Variants in PAK1IP1 observed in about 807,000 individuals in gnomAD.
PAK1IP1 encodes the protein p21-activated protein kinase-interacting protein 1.
A neutral mutation model predicts 42.0 loss-of-function variants in PAK1IP1; 24 were observed. The ratio of observed to expected loss-of-function variants is 0.57; its 90% CI spans 0.41 to 0.80. The LOEUF (loss-of-function observed/expected upper bound fraction) is 0.80, where lower values mean the gene tolerates loss of function less well. Ranked by LOEUF, PAK1IP1 falls within the 30% of genes least tolerant of loss-of-function variation. The pLI is 0.00. For synonymous variants in PAK1IP1, 154 were observed against 156.7 expected, an observed-to-expected ratio of 0.98 and a Z score of 0.13; for missense variants, 411 against 467.9, an observed-to-expected ratio of 0.88 and a Z score of 1.12.
intron 2 of PAK1IP1, among the ~76,000 whole-genome samples, chr6:10,701,325 T>G (rs981187941): frequency 6.6e-6 from 1 of 152,090 alleles, no homozygotes; most frequent in African/African-American, 2.4e-5. Flanking sequence ...GATCTGCCTG[T>G]CTCGGTCTCC....
intron 5 of PAK1IP1, among the ~76,000 whole-genome samples, chr6:10,703,753 TTCCAAAA>T (rs1444695575): frequency 6.6e-6 from 1 of 152,228 alleles, no homozygotes; most frequent in Non-Finnish European, 1.5e-5. Context: ...TATGCAGATA[TTCCAAAA>T]TCCAAAATCG....
At chr6:10,692,285 A>C (rs1373083836), upstream of PAK1IP1, among the ~76,000 whole-genome samples, 1 of 152,220 alleles carries the variant, frequency 6.6e-6, no homozygotes, top group Non-Finnish European at 1.5e-5. Context: ...CTGCTTACTA[A>C]TACCTTGTCT....
intron 8 of PAK1IP1, 25 bp from the exon 9 acceptor site, chr6:10,708,928 A>G (rs1421439197): frequency 1.9e-6 from 3 of 1,569,150 alleles, no homozygotes; most frequent in Non-Finnish European, 2.6e-6. Context: ...AATGCACATT[A>G]TGAATGTTTG....
intron 2 of PAK1IP1, among the ~76,000 whole-genome samples, chr6:10,700,993 C>T (rs894569622): frequency 3.9e-5 from 6 of 152,162 alleles, no homozygotes; most frequent in Admixed American, 2.6e-4. Context: ...AACCCTTCCC[C>T]TCCCACAGGC....
intron 2 of PAK1IP1, among the ~76,000 whole-genome samples, chr6:10,697,752 G>A (rs1314396523): frequency 1.3e-5 from 2 of 152,076 alleles, no homozygotes; most frequent in East Asian, 1.9e-4. Flanking sequence ...TTAGCCAGGT[G>A]TGGTGGCACA....
At chr6:10,707,726 C>T (rs557303390) in intron 8 of PAK1IP1, among the ~76,000 whole-genome samples, 5 of 152,136 alleles carry the variant, frequency 3.3e-5, no homozygotes, top group East Asian at 1.9e-4. Context: ...TCCCAGAACT[C>T]GCGCTGCTCT....
chr6:10,705,676 G>A (rs886678852), intron 7 of PAK1IP1, among the ~76,000 whole-genome samples: 1 of 152,154 alleles, frequency 6.6e-6, no homozygotes, highest in Non-Finnish European at 1.5e-5. Flanking sequence ...CCCCAATAGT[G>A]GAGCTGAGAG....
chr6:10,704,790 T>G lies in PAK1IP1; in HGVS notation c.686T>G (p.Phe229Cys). The G allele has an allele frequency of 6.2e-7, 1 of 1,613,940 alleles. No individual in the cohort carries two copies. The highest frequency in any genetic ancestry group is 8.5e-7 in the Non-Finnish European group (1 of 1,179,818). The change falls in exon 7 of 10, where the codon TTT (phenylalanine) becomes TGT (cysteine). Residue 229 changes from phenylalanine (F) to cysteine (C), a missense_variant. Coordinates refer to ENST00000379568, the MANE Select transcript of PAK1IP1 (RefSeq NM_017906.3). ...AVAGDEEVIR[F>C]FDCDSLVCLC... Reference sequence around the variant, plus strand: ...GCTGGAGATGAAGAAGTTATAAGGTTTTTTGACTGTGATTCACTAGTGTGC... The same window carrying G: ...GCTGGAGATGAAGAAGTTATAAGGTGTTTTGACTGTGATTCACTAGTGTGC...
chr6:10,694,590 CAG>C, upstream of PAK1IP1: 3 of 172,406 alleles, frequency 1.7e-5, no homozygotes, highest in South Asian at 1.1e-4. Flanking sequence ...GCCGGCGCTA[CAG>C]CCCCTAAGCA....
In PAK1IP1 at chr6:10,709,385, A is replaced by G. The variant is rs1770311217; in HGVS notation, c.1112A>G (p.Lys371Arg). The G allele has an allele frequency of 1.9e-6, 3 of 1,613,822 alleles. No homozygotes were observed. The highest frequency in any genetic ancestry group is 1.7e-6 in the Non-Finnish European group (2 of 1,179,912). ...AAAGAAAGTGGCCTGATATCAACCA[A>G]GAAGAGGAAAATGGTAGAAATGTTG... ...ATKESGLIST[K>R]KRKMVEMLEK... The change falls in exon 10 of 10, where the codon AAG becomes AGG. Residue 371 changes from lysine (K) to arginine (R), a missense_variant. Lys to Arg is a conservative substitution (Grantham distance 26). Coordinates refer to ENST00000379568, the MANE Select transcript of PAK1IP1 (RefSeq NM_017906.3).
intron 2 of PAK1IP1, 37 bp downstream of exon 2, chr6:10,697,523 G>T: frequency 6.9e-7 from 1 of 1,459,436 alleles, no homozygotes; most frequent in Non-Finnish European, 9.4e-7. Flanking sequence ...AGAACATAGA[G>T]GTTTTCTTTA....
In PAK1IP1 at chr6:10,697,369, T is replaced by C; in HGVS notation, c.130T>C (p.Ser44Pro). 2 of 1,613,948 alleles carry C rather than the reference T, an allele frequency of 1.2e-6. No individual in the cohort carries two copies. The highest frequency in any genetic ancestry group is 8.5e-7 in the Non-Finnish European group (1 of 1,179,846). The change falls in exon 2 of 10, where the codon TCC (serine) becomes CCC (proline). Residue 44 changes from serine (S) to proline (P), a missense_variant. Ser to Pro is a moderately conservative substitution (Grantham distance 74). Coordinates refer to ENST00000379568, the MANE Select transcript of PAK1IP1 (RefSeq NM_017906.3). ...ADFTHHAHTASLSAVAVNSRF... is the reference protein window; with the variant it reads ...ADFTHHAHTAPLSAVAVNSRF... ...CTTCACTCACCATGCTCACACTGCC[T>C]CCTTGTCAGCAGTAGCTGTAAATAG...
chr6:10,709,075 T>C lies in PAK1IP1; in HGVS notation c.963T>C (p.Pro321=), dbSNP rs1376692871. The C allele has an allele frequency of 6.2e-7, 1 of 1,608,854 alleles. No homozygotes were observed. Among genetic ancestry groups the C allele is most frequent in the South Asian group, 1.1e-5 (1 of 89,650 alleles). Residue 321 remains proline (P), a splice_region_variant and synonymous_variant, in exon 9 of 10, where the codon CCT becomes CCC. Coordinates refer to ENST00000379568, the MANE Select transcript of PAK1IP1 (RefSeq NM_017906.3). ...ESLPPAAEPS[P]VSKEQSKIGK... is the part of the protein sequence containing the mutation. ...TTCCTCCAGCTGCAGAGCCTTCTCC[T>C]GGTAATCGAATTTGATTGTTTTGAA...
rs1028984051 is a variant in PAK1IP1 at position 10,698,236 on chromosome 6, T to C, written c.247+750T>C. Among the ~76,000 whole-genome samples, 4 of 151,976 alleles carry C rather than the reference T, an allele frequency of 2.6e-5. No individual in the cohort carries two copies. The East Asian group carries it at 7.7e-4, about 29-fold the overall frequency. ...AGCGTCACAGCAATATCTGACTTTA[T>C]TGAGGGCATATTATGTACCCCTCTG... On this transcript the variant is annotated intron_variant, in intron 2 of 9. Coordinates refer to ENST00000379568, the MANE Select transcript of PAK1IP1 (RefSeq NM_017906.3).
intron 8 of PAK1IP1, among the ~76,000 whole-genome samples, chr6:10,708,603 A>G (rs1029324234): frequency 4.7e-5 from 7 of 149,148 alleles, no homozygotes; most frequent in African/African-American, 1.8e-4. Context: ...ATATGTATAC[A>G]TGTGCTATGT....
In PAK1IP1 at chr6:10,702,632, A is replaced by G. The variant is rs1258335016; in HGVS notation, c.436A>G (p.Thr146Ala). The G allele has an allele frequency of 6.2e-7, 1 of 1,609,146 alleles. No individual in the cohort carries two copies. The change falls in exon 4 of 10, where the codon ACT (threonine) becomes GCT (alanine). Residue 146 changes from threonine (T) to alanine (A), a missense_variant. Coordinates refer to ENST00000379568, the MANE Select transcript of PAK1IP1 (RefSeq NM_017906.3). ...KLALSVGTDK[T>A]LRTWNLVEGR... ...GGCCCTGTCGGTTGGTACAGATAAAACTTTAAGGTAAGTCATTAATGCTCA... is the reference window on the plus strand; with the variant it reads ...GGCCCTGTCGGTTGGTACAGATAAAGCTTTAAGGTAAGTCATTAATGCTCA...
chr6:10,696,679 A>G (rs1769868459), intron 1 of PAK1IP1, among the ~76,000 whole-genome samples: 1 of 152,222 alleles, frequency 6.6e-6, no homozygotes. Flanking sequence ...GCGGTGGCTC[A>G]TGCCTGCAAT....
At chr6:10,691,488 T>C (rs2127473231), upstream of PAK1IP1, among the ~76,000 whole-genome samples, 1 of 152,218 alleles carries the variant, frequency 6.6e-6, no homozygotes, top group Middle Eastern at 3.4e-3. Context: ...CTATACAATG[T>C]CTCTAATCTA....
At chr6:10,701,958 G>A (rs750061727) in intron 2 of PAK1IP1, among the ~76,000 whole-genome samples, 1 of 152,192 alleles carries the variant, frequency 6.6e-6, no homozygotes, top group Non-Finnish European at 1.5e-5. Flanking sequence ...ATTGAGGCCA[G>A]GCACAGTGGC....
Sources: gnomAD v4.1 joint callset for allele counts (sites outside exome capture counted in the v4.1 genomes callset) on GRCh38, gnomAD v4.1.1 for gene constraint, MANE v1.5 for transcripts, NCBI Gene and HGNC (gene_info 2026-07-23, HGNC 2026-07-21) for gene names.